The following CFAP20DC variants were observed in gnomAD, a reference collection of about 807,000 sequenced individuals.
CFAP20DC encodes the protein CFAP20 domain containing.
A neutral mutation model predicts 101.7 loss-of-function variants in CFAP20DC; 84 were observed. The observed-to-expected ratio is 0.83, with a 90% CI of 0.69 to 0.99. CFAP20DC has a LOEUF of 0.99. Among genes scored for constraint, CFAP20DC ranks in the 50% least tolerant of loss-of-function variants. CFAP20DC has a pLI of 0.00. For missense variants in CFAP20DC, 1,007 were observed against 970.3 expected (o/e 1.04, Z -0.50); for synonymous variants, 359 against 351.2 (o/e 1.02, Z -0.25).
intron 7 of CFAP20DC, among the ~76,000 whole-genome samples, chr3:58,877,012 C>T (rs1432592067): frequency 6.6e-6 from 1 of 152,176 alleles, no homozygotes; most frequent in Non-Finnish European, 1.5e-5. Flanking sequence ...AATCGTAGTA[C>T]TGAAGTCATG....
chr3:59,034,904 C>T (rs2094068251), intron 4 of CFAP20DC, among the ~76,000 whole-genome samples: 1 of 152,150 alleles, frequency 6.6e-6, no homozygotes, highest in Admixed American at 6.5e-5. Flanking sequence ...CTTCTCAGTA[C>T]CACATTGCAC....
intron 14 of CFAP20DC, among the ~76,000 whole-genome samples, chr3:58,814,078 G>A (rs2107814820): frequency 6.6e-6 from 1 of 152,002 alleles, no homozygotes; most frequent in Non-Finnish European, 1.5e-5. Context: ...TATTTCAGCT[G>A]TACTCAGGTC....
intron 4 of CFAP20DC, among the ~76,000 whole-genome samples, chr3:58,998,026 T>C (rs1486878258): frequency 6.6e-6 from 1 of 152,214 alleles, no homozygotes; most frequent in Non-Finnish European, 1.5e-5. Flanking sequence ...AGTTGGCCTC[T>C]GTGATTTGAA....
chr3:59,003,170 T>C (rs1228210998), intron 4 of CFAP20DC, among the ~76,000 whole-genome samples: 1 of 151,832 alleles, frequency 6.6e-6, no homozygotes, highest in Non-Finnish European at 1.5e-5. Context: ...CATCTGAAGG[T>C]AGATATTTGT....
At chr3:58,807,093 A>G (rs1180695626) in intron 14 of CFAP20DC, among the ~76,000 whole-genome samples, 2 of 152,148 alleles carry the variant, frequency 1.3e-5, no homozygotes, top group African/African-American at 4.8e-5. Flanking sequence ...AGCCCACCAC[A>G]ACTCAAGGAG....
intron 15 of CFAP20DC, among the ~76,000 whole-genome samples, chr3:58,764,444 T>G (rs906543981): frequency 7.9e-5 from 12 of 152,138 alleles, no homozygotes; most frequent in African/African-American, 2.9e-4. Flanking sequence ...CACCCCTTTC[T>G]TTGACTAGGA....
At chr3:58,946,022 T>C (rs184706521) in intron 4 of CFAP20DC, among the ~76,000 whole-genome samples, 2 of 151,690 alleles carry the variant, frequency 1.3e-5, no homozygotes, top group Admixed American at 6.6e-5. Flanking sequence ...TGGTTTCATA[T>C]CTATTTTTTT....
At chr3:58,768,327 A>T in intron 15 of CFAP20DC, among the ~76,000 whole-genome samples, 1 of 152,210 alleles carries the variant, frequency 6.6e-6, no homozygotes, top group East Asian at 1.9e-4. Context: ...GAGGAAGTTT[A>T]AAATCTGGAT....
At chr3:58,904,367 T>C (rs1381030394) in intron 6 of CFAP20DC, among the ~76,000 whole-genome samples, 1 of 152,152 alleles carries the variant, frequency 6.6e-6, no homozygotes. Context: ...GATATACAGA[T>C]ATTCATGACC....
chr3:58,910,035 T>C (rs1331978061), intron 6 of CFAP20DC, among the ~76,000 whole-genome samples: 1 of 152,168 alleles, frequency 6.6e-6, no homozygotes, highest in Non-Finnish European at 1.5e-5. Context: ...GCTTCCAACT[T>C]CATCCACGTC....
intron 4 of CFAP20DC, among the ~76,000 whole-genome samples, chr3:58,949,657 T>C (rs1441151693): frequency 6.6e-6 from 1 of 152,144 alleles, no homozygotes; most frequent in Non-Finnish European, 1.5e-5. Context: ...ACAGAACCAA[T>C]GACAAAAACC....
chr3:58,726,388 C>G (rs1279444025), intron 3 of CFAP20DC: 1 of 152,496 alleles, frequency 6.6e-6, no homozygotes, highest in East Asian at 1.9e-4. Context: ...GGCAGGGGCA[C>G]TCTACTTATC....
chr3:59,049,957 A>G lies in CFAP20DC; in HGVS notation c.-326T>C. ...TACGTGACGGGGCGCCCAGTCGCGG[A>G]GCCACAGACAACCGCCCGCTGGCCT... is the stretch of plus-strand genomic sequence containing the variant. On this transcript the variant is annotated 5_prime_UTR_variant, in exon 1 of 17. Transcript: ENST00000482387. The G allele has an allele frequency of 3.2e-6, 1 of 311,702 alleles. No individual in the cohort carries two copies. Among genetic ancestry groups the G allele is most frequent in the Non-Finnish European group, 5.9e-6 (1 of 169,368 alleles). 19.3% of individuals were successfully genotyped at this position (311,702 alleles called of 1,614,324 possible).
chr3:58,885,931 GTC>G (rs1167120647), intron 6 of CFAP20DC, among the ~76,000 whole-genome samples: 4 of 151,962 alleles, frequency 2.6e-5, no homozygotes, highest in African/African-American at 9.7e-5. Flanking sequence ...GAGTGCAGAT[GTC>G]TCTCTGTAAT....
At chr3:58,927,247 T>A (rs2086087882) in intron 5 of CFAP20DC, among the ~76,000 whole-genome samples, 1 of 152,184 alleles carries the variant, frequency 6.6e-6, no homozygotes, top group South Asian at 2.1e-4. Flanking sequence ...ATATAAATAT[T>A]CATTTTGGTG....
Position 58,732,758 on chromosome 3 carries a change from C to T in CFAP20DC, c.198-15130G>A, listed in dbSNP as rs2067669488. On this transcript the variant is annotated intron_variant, in intron 3 of 3. Transcript: ENST00000486145. This position sits in a 1 kb window ranked among gnomAD's most constrained non-coding sequence, Gnocchi z 5.4. ...TTCCCTCCTCTTCTCTATTTTCTTG[C>T]CAAAGGCAGAAAATACCTCAGAAAG... 6.6e-6 allele frequency among the ~76,000 whole-genome samples: 1 copy of T among 152,082 alleles called. No homozygotes were observed. The highest frequency in any genetic ancestry group is 2.4e-5 in the African/African-American group (1 of 41,378).
chr3:58,999,616 C>T (rs550311432), intron 4 of CFAP20DC, among the ~76,000 whole-genome samples: 1 of 152,042 alleles, frequency 6.6e-6, no homozygotes, highest in Non-Finnish European at 1.5e-5. Context: ...TGGACTGTTA[C>T]AGTGAATCAC....
intron 4 of CFAP20DC, among the ~76,000 whole-genome samples, chr3:58,995,490 T>G (rs552654622): frequency 6.6e-6 from 1 of 152,324 alleles, no homozygotes; most frequent in South Asian, 2.1e-4. Flanking sequence ...AAAATCTTTT[T>G]TAAGAGTTTA....
At chr3:58,716,639 C>T (rs978428347), downstream of CFAP20DC, among the ~76,000 whole-genome samples, 14 of 152,294 alleles carry the variant, frequency 9.2e-5, no homozygotes, top group Admixed American at 8.5e-4. Flanking sequence ...CCCTAAAGGC[C>T]TGCACTGCGA....
Sources: allele counts gnomAD v4.1 joint callset (sites outside exome capture counted in the v4.1 genomes callset), GRCh38; gene constraint gnomAD v4.1.1; non-coding constraint Gnocchi (gnomAD v3.1); transcripts MANE v1.5; gene names NCBI Gene and HGNC (gene_info 2026-07-23, HGNC 2026-07-21).